NDUFAF2: variants seen among roughly 807,000 people sequenced by gnomAD.
NDUFAF2 encodes the protein NADH dehydrogenase [ubiquinone] 1 alpha subcomplex assembly factor 2.
NDUFAF2 carries 13 observed loss-of-function variants against 22.8 expected under a neutral mutation model. That is an observed-to-expected ratio of 0.57 (90% CI 0.37 to 0.91). The LOEUF is 0.91. Among genes scored for constraint, NDUFAF2 ranks in the 40% least tolerant of loss-of-function variants. The pLI is 0.01. For synonymous variants in NDUFAF2, 53 were observed against 64.2 expected, an observed-to-expected ratio of 0.83 and a Z score of 0.84; for missense variants, 162 against 195.2, an observed-to-expected ratio of 0.83 and a Z score of 1.01.
At chr5:61,098,616 A>G (rs893065031) in intron 2 of NDUFAF2, among the ~76,000 whole-genome samples, 1 of 152,190 alleles carries the variant, frequency 6.6e-6, no homozygotes, top group African/African-American at 2.4e-5. Flanking sequence ...CCAGAATAAT[A>G]TAATTTTGAT....
At chr5:61,107,625 C>T (rs993961505) in intron 3 of NDUFAF2, among the ~76,000 whole-genome samples, 1 of 150,794 alleles carries the variant, frequency 6.6e-6, no homozygotes, top group African/African-American at 2.5e-5. Context: ...CTTTGATTGC[C>T]TATGCTTGTG....
chr5:60,971,905 G>A (rs1376274420), intron 1 of NDUFAF2, among the ~76,000 whole-genome samples: 1 of 149,208 alleles, frequency 6.7e-6, no homozygotes, highest in Non-Finnish European at 1.5e-5. Flanking sequence ...ATATTTGGCT[G>A]ATACAACTTT....
At chr5:61,026,041 A>T (rs1267820243) in intron 1 of NDUFAF2, among the ~76,000 whole-genome samples, 2 of 152,112 alleles carry the variant, frequency 1.3e-5, no homozygotes, top group African/African-American at 4.8e-5. Context: ...TATATCTGAG[A>T]TAGCACTATT....
Position 61,140,250 on chromosome 5 carries a change from G to A in NDUFAF2, c.259-12454G>A, listed in dbSNP as rs116212297. Among the ~76,000 whole-genome samples the A allele has an allele frequency of 8.0e-3, 1,223 of 152,308 alleles. 16 individuals carry two copies. Among genetic ancestry groups the A allele is most frequent in the African/African-American group, 0.028 (1,145 of 41,560 alleles). On this transcript the variant is annotated intron_variant, in intron 3 of 3. Transcript: ENST00000296597. ...TCATCTCCTTCACCTCTACATATTG[G>A]TGACTAAGACCTTTTTCCTATTGAA...
Position 60,945,365 on chromosome 5 carries a change from A to T in NDUFAF2, c.110A>T (p.Gln37Leu), listed in dbSNP as rs144006692. Residue 37 changes from glutamine (Q) to leucine (L), a missense_variant, in exon 1 of 4, where the codon CAG becomes CTG. Gln to Leu is a moderately radical substitution (Grantham distance 113, BLOSUM62 -2). Around this residue, in one of 2 missense-constraint regions of NDUFAF2, gnomAD observed 94 missense variants for 85.2 expected, o/e 1.10. Coordinates refer to ENST00000296597, the MANE Select transcript of NDUFAF2 (RefSeq NM_174889.5). ...GGGAACAAATACTACTACATCCCGCAGTACAAGAACTGGAGAGGTGAGGTG... is the reference window on the plus strand; with the variant it reads ...GGGAACAAATACTACTACATCCCGCTGTACAAGAACTGGAGAGGTGAGGTG... ...QFGNKYYYIPQYKNWRGQTIR... is the reference protein window; with the variant it reads ...QFGNKYYYIPLYKNWRGQTIR... The T allele has an allele frequency of 1.2e-6, 2 of 1,614,086 alleles. No homozygotes were observed. The highest frequency in any genetic ancestry group is 2.7e-5 in the African/African-American group (2 of 74,936).
chr5:60,949,612 A>G (rs930982068), intron 1 of NDUFAF2, among the ~76,000 whole-genome samples: 1 of 152,210 alleles, frequency 6.6e-6, no homozygotes, highest in Admixed American at 6.5e-5. Context: ...GTAAAACGGA[A>G]ATAACAGTAC....
chr5:61,101,131 T>A (rs796793878), intron 3 of NDUFAF2, among the ~76,000 whole-genome samples: 4 of 152,168 alleles, frequency 2.6e-5, no homozygotes, highest in Non-Finnish European at 4.4e-5. Context: ...GAGGAAAAAA[T>A]TTTTCTTAAT....
Position 61,087,168 on chromosome 5 carries a change from G to A in NDUFAF2, c.218-11824G>A, listed in dbSNP as rs145600235. ...CCCGTAGGAGAAGAGGCACCAGAGA[G>A]CTGTACTCTCTCCCTGAGCATGCAC... On this transcript the variant is annotated intron_variant, in intron 2 of 3. Coordinates refer to ENST00000296597, the MANE Select transcript of NDUFAF2 (RefSeq NM_174889.5). 5.4e-3 allele frequency among the ~76,000 whole-genome samples: 819 copies of A among 152,182 alleles called. 2 individuals carry two copies. The highest frequency in any genetic ancestry group is 7.9e-3 in the Non-Finnish European group (536 of 68,004).
At chr5:60,964,461 T>G (rs1320855002) in intron 1 of NDUFAF2, among the ~76,000 whole-genome samples, 1 of 151,958 alleles carries the variant, frequency 6.6e-6, no homozygotes, top group East Asian at 1.9e-4. Context: ...ACTTTTTTTT[T>G]TTTTTTGGAG....
intron 1 of NDUFAF2, among the ~76,000 whole-genome samples, chr5:61,053,003 G>T (rs1210560299): frequency 1.3e-5 from 2 of 152,212 alleles, no homozygotes; most frequent in African/African-American, 4.8e-5. Flanking sequence ...TTTCTCTAGT[G>T]CATTGTAAAT....
At chr5:61,019,705 A>G (rs894125113) in intron 1 of NDUFAF2, among the ~76,000 whole-genome samples, 4 of 152,098 alleles carry the variant, frequency 2.6e-5, no homozygotes, top group African/African-American at 9.7e-5. Flanking sequence ...TTAAGACAAT[A>G]AGGAAAATAC....
chr5:60,952,327 ATACATTT>A (rs1326631263), intron 1 of NDUFAF2, among the ~76,000 whole-genome samples: 1 of 151,934 alleles, frequency 6.6e-6, no homozygotes, highest in Non-Finnish European at 1.5e-5. Context: ...ATTTTTTAAT[ATACATTT>A]TTAATGTTAA....
At chr5:61,072,236 C>T (rs1752308684) in intron 1 of NDUFAF2, among the ~76,000 whole-genome samples, 1 of 152,216 alleles carries the variant, frequency 6.6e-6, no homozygotes, top group Admixed American at 6.5e-5. Flanking sequence ...TGGTCACCAT[C>T]AGTCTACCAT....
chr5:61,002,504 T>G (rs956225350), intron 1 of NDUFAF2, among the ~76,000 whole-genome samples: 1 of 152,174 alleles, frequency 6.6e-6, no homozygotes, highest in African/African-American at 2.4e-5. Flanking sequence ...CTCCTCAACA[T>G]GAATAACTTC....
chr5:60,945,426 G>A lies in NDUFAF2; in HGVS notation c.127+44G>A, dbSNP rs754677895. The A allele has an allele frequency of 7.4e-6, 12 of 1,614,020 alleles. No homozygotes were observed. In the East Asian group the frequency reaches 2.2e-4, roughly 30 times the overall value. On this transcript the variant is annotated intron_variant, in intron 1 of 3. Coordinates refer to ENST00000296597, the MANE Select transcript of NDUFAF2 (RefSeq NM_174889.5). ...CAGCGATTGCGTGGTCAGTGATTGC[G>A]AGGTCAGTAAAGGAGGGAAAAGTGA...
chr5:61,064,193 A>T (rs1308340918), intron 1 of NDUFAF2, among the ~76,000 whole-genome samples: 1 of 152,160 alleles, frequency 6.6e-6, no homozygotes, highest in Non-Finnish European at 1.5e-5. Context: ...TGAAGAGGAC[A>T]TAACCATTGT....
At position 61,018,180 on chromosome 5, in the gene NDUFAF2, G is replaced by A. The variant is rs541062582; in HGVS notation, c.128-54945G>A. On this transcript the variant is annotated intron_variant, in intron 1 of 3. Transcript: ENST00000296597. Reference sequence around the variant, plus strand: ...TTATTTATGCCTATCATATTTATATGGTAAAATAATATATAATGGCTGGCT... The same window carrying A: ...TTATTTATGCCTATCATATTTATATAGTAAAATAATATATAATGGCTGGCT... 3.7e-4 allele frequency among the ~76,000 whole-genome samples: 57 copies of A among 152,134 alleles called. 1 individual carries two copies. Among genetic ancestry groups the A allele is most frequent in the African/African-American group, 1.3e-3 (55 of 41,492 alleles).
chr5:60,958,244 A>G (rs1015365051), intron 1 of NDUFAF2, among the ~76,000 whole-genome samples: 1 of 152,072 alleles, frequency 6.6e-6, no homozygotes, highest in Non-Finnish European at 1.5e-5. Context: ...TTAGTGTCTG[A>G]CCTTTTAATG....
At chr5:60,997,139 T>G (rs899857930) in intron 1 of NDUFAF2, among the ~76,000 whole-genome samples, 2 of 152,208 alleles carry the variant, frequency 1.3e-5, no homozygotes, top group East Asian at 1.9e-4. Context: ...TTCACCAAAC[T>G]GAAAACAGAT....
Sources: gnomAD v4.1 joint callset for allele counts (sites outside exome capture counted in the v4.1 genomes callset) on GRCh38, gnomAD v4.1.1 for gene constraint, gnomAD v4.1.1 regional missense constraint, MANE v1.5 for transcripts, NCBI Gene and HGNC (gene_info 2026-07-23, HGNC 2026-07-21) for gene names.